The following PRRC2B variants were observed in gnomAD, a reference collection of about 807,000 sequenced individuals.
PRRC2B encodes proline rich coiled-coil 2B.
PRRC2B carries 68 observed loss-of-function variants against 242.3 expected under a neutral mutation model. The ratio of observed to expected loss-of-function variants is 0.28; its 90% CI spans 0.23 to 0.34. PRRC2B has a LOEUF of 0.34. Among genes scored for constraint, PRRC2B ranks in the 10% least tolerant of loss-of-function variants. PRRC2B has a pLI of 1.00. For synonymous variants in PRRC2B, 1,228 were observed against 1,173.6 expected (o/e 1.05, Z -0.95); for missense variants, 2,835 against 2,954.8 (o/e 0.96, Z 0.94).
At position 131,436,740 on chromosome 9, in the gene PRRC2B, A is replaced by T; in HGVS notation, c.396+18A>T. 1.3e-6 allele frequency: 2 copies of T among 1,591,768 alleles called. No homozygotes were observed. The highest frequency in any genetic ancestry group is 2.2e-5 in the South Asian group (2 of 90,316). The stretch of plus-strand genomic sequence containing the variant: ...GTCAGGAGGTAGGTGCTGGGACCCC[A>T]TCCCAACTGTTTCCTGGGCATGGTA... On this transcript the variant is annotated intron_variant, in intron 4 of 31. Transcript: ENST00000683519.
At chr9:131,478,945 C>G in intron 18 of PRRC2B, among the ~76,000 whole-genome samples, 1 of 152,168 alleles carries the variant, frequency 6.6e-6, no homozygotes, top group East Asian at 1.9e-4. Flanking sequence ...CCTTCCTCCC[C>G]ACTCCTCATT....
intron 10 of PRRC2B, among the ~76,000 whole-genome samples, chr9:131,457,234 C>G (rs1207091770): frequency 6.6e-6 from 1 of 152,208 alleles, no homozygotes; most frequent in Admixed American, 6.5e-5. Context: ...TCGGGACATA[C>G]CTATGGGTCA....
chr9:131,484,893 TC>T (rs1407823724), intron 24 of PRRC2B, 54 bp from the exon 25 acceptor site: 2 of 1,581,086 alleles, frequency 1.3e-6, no homozygotes, highest in Non-Finnish European at 1.7e-6. Flanking sequence ...ATTGGCTCTG[TC>T]CACTGCCAGC....
intron 28 of PRRC2B, among the ~76,000 whole-genome samples, chr9:131,488,848 G>A (rs1473835367): frequency 2.0e-5 from 3 of 152,100 alleles, no homozygotes; most frequent in South Asian, 2.1e-4. Flanking sequence ...CTTCCTCTCC[G>A]TCAACCTGTG....
intron 1 of PRRC2B, among the ~76,000 whole-genome samples, chr9:131,385,151 G>GCGCCCGCCACCACGC (rs1554756386): frequency 4.7e-4 from 71 of 149,968 alleles, no homozygotes; most frequent in East Asian, 1.0e-3. Flanking sequence ...GGGATTACAG[G>GCGCCCGCCACCACGC]CATGAGCTAC....
chr9:131,393,408 CCAAG>C (rs1266376034), upstream of PRRC2B, among the ~76,000 whole-genome samples: 2 of 152,118 alleles, frequency 1.3e-5, no homozygotes, highest in African/African-American at 2.4e-5. Context: ...ACGGAGGTAA[CCAAG>C]ACAGGAGTGC....
chr9:131,397,062 C>T (rs1172105140), intron 1 of PRRC2B, among the ~76,000 whole-genome samples: 3 of 152,224 alleles, frequency 2.0e-5, no homozygotes, highest in South Asian at 2.1e-4. Context: ...GATATTTTAG[C>T]AGGGTCCTGT....
chr9:131,484,743 A>T lies in PRRC2B; in HGVS notation c.5518A>T (p.Ile1840Phe), dbSNP rs555982775. 1 of 1,613,096 alleles carries T rather than the reference A, an allele frequency of 6.2e-7. No homozygotes were observed. Among genetic ancestry groups the T allele is most frequent in the African/African-American group, 1.3e-5 (1 of 74,990 alleles). ...GCGGGACCATCACATCCAGAGGGCCATCGGTCTCTCCCCAATGTCCTTCCC... is the reference window on the plus strand; with the variant it reads ...GCGGGACCATCACATCCAGAGGGCCTTCGGTCTCTCCCCAATGTCCTTCCC... ...LRRDHHIQRA[I>F]GLSPMSFPTA... The change falls in exon 24 of 32, where the codon ATC (isoleucine) becomes TTC (phenylalanine). Residue 1840 changes from isoleucine to phenylalanine, a missense_variant. Transcript: ENST00000683519.
At chr9:131,492,140 G>T in intron 29 of PRRC2B, 29 bp from the exon 30 acceptor site, 1 of 1,582,612 alleles carries the variant, frequency 6.3e-7, no homozygotes, top group South Asian at 1.1e-5. Flanking sequence ...GGCCTCAAAT[G>T]ACAGCTTGTT....
Position 131,446,710 on chromosome 9 carries a change from G to A in PRRC2B, c.855+68G>A. The A allele has an allele frequency of 6.4e-7, 1 of 1,567,124 alleles. No individual in the cohort carries two copies. Among genetic ancestry groups the A allele is most frequent in the Non-Finnish European group, 8.7e-7 (1 of 1,147,756 alleles). The stretch of plus-strand genomic sequence containing the variant: ...ATTGTGTCCAGCAGATAGGTCAAGT[G>A]GTTGAATGTCCCCCTTGGGGTCTCC... On this transcript the variant is annotated intron_variant, in intron 7 of 31. Transcript: ENST00000683519. This position sits in a 1 kb window ranked among gnomAD's most constrained non-coding sequence, Gnocchi z 4.1.
chr9:131,465,958 C>T, intron 12 of PRRC2B, among the ~76,000 whole-genome samples: 1 of 152,236 alleles, frequency 6.6e-6, no homozygotes, highest in East Asian at 1.9e-4. Flanking sequence ...CTCCTGGCCT[C>T]AAGTGATCCA....
chr9:131,471,085 G>C, intron 14 of PRRC2B, 102 bp downstream of exon 14: 1 of 799,600 alleles, frequency 1.3e-6, no homozygotes, highest in Non-Finnish European at 2.0e-6. Flanking sequence ...ATTTTGGTCT[G>C]GCTCTTTGTC....
In PRRC2B at chr9:131,492,244, T is replaced by G. The variant is rs990844602; in HGVS notation, c.6457T>G (p.Ser2153Ala). Residue 2153 changes from serine to alanine, a missense_variant, in exon 30 of 32, where the codon TCG (serine) becomes GCG (alanine). Ser to Ala is a moderately conservative substitution (Grantham distance 99, BLOSUM62 1). This residue lies in a region of PRRC2B where 574 missense variants were observed against 626.0 expected (regional missense o/e 0.92). Transcript: ENST00000683519. ...QNVPSGGPVP[S>A]PQTYRPSSAS... is the part of the protein sequence containing the mutation. ...TGTCCCTTCAGGAGGCCCCGTGCCA[T>G]CGCCACAGACCTACAGGTAAAGCCA... 2 of 1,613,656 alleles carry G rather than the reference T, an allele frequency of 1.2e-6. No homozygotes were observed. Among genetic ancestry groups the G allele is most frequent in the African/African-American group, 2.7e-5 (2 of 74,914 alleles).
intron 28 of PRRC2B, among the ~76,000 whole-genome samples, chr9:131,488,373 C>T (rs1482749895): frequency 6.6e-6 from 1 of 151,876 alleles, no homozygotes. Context: ...AGGCGATGCT[C>T]CTGCCTCAGC....
intron 12 of PRRC2B, 101 bp downstream of exon 12, chr9:131,465,179 CT>C: frequency 8.7e-7 from 1 of 1,153,220 alleles, no homozygotes; most frequent in Non-Finnish European, 1.2e-6. Context: ...GAACGTATGG[CT>C]TACAACGAGA....
intron 1 of PRRC2B, among the ~76,000 whole-genome samples, chr9:131,379,004 G>T (rs972648329): frequency 6.6e-6 from 1 of 152,114 alleles, no homozygotes; most frequent in African/African-American, 2.4e-5. Context: ...CAGGTGTAAG[G>T]CACCGTGCCT....
At chr9:131,479,142 TG>T in intron 18 of PRRC2B, 109 bp from the exon 19 acceptor site, 2 of 1,125,030 alleles carry the variant, frequency 1.8e-6, no homozygotes, top group Non-Finnish European at 1.3e-6. Flanking sequence ...CACACATCTC[TG>T]GAGCATTTTC....
In PRRC2B at chr9:131,484,981, C is replaced by T. The variant is rs1943977653; in HGVS notation, c.5599C>T (p.Pro1867Ser). ...ESARKAWENSPSLPEQSSPGG... is the reference protein window; with the variant it reads ...ESARKAWENSSSLPEQSSPGG... Reference sequence around the variant, plus strand: ...TGCGCGCAAGGCTTGGGAAAACTCCCCCAGTTTGCCGGAGCAGAGCTCTCC... The same window carrying T: ...TGCGCGCAAGGCTTGGGAAAACTCCTCCAGTTTGCCGGAGCAGAGCTCTCC... Residue 1867 changes from proline to serine, a missense_variant, in exon 25 of 32, where the codon CCC (proline) becomes TCC (serine). Physicochemically the swap from Pro to Ser is moderately conservative, Grantham distance 74. Transcript: ENST00000683519. The T allele has an allele frequency of 2.5e-6, 4 of 1,613,262 alleles. No homozygotes were observed. Among genetic ancestry groups the T allele is most frequent in the Non-Finnish European group, 3.4e-6 (4 of 1,179,548 alleles).
intron 1 of PRRC2B, among the ~76,000 whole-genome samples, chr9:131,376,901 A>C (rs1836692758): frequency 6.6e-6 from 1 of 151,954 alleles, no homozygotes. Context: ...CAGGTACTCG[A>C]GACACTGAGG....
Sources: allele counts gnomAD v4.1 joint callset (sites outside exome capture counted in the v4.1 genomes callset), GRCh38; gene constraint gnomAD v4.1.1; regional missense constraint gnomAD v4.1.1; non-coding constraint Gnocchi (gnomAD v3.1); transcripts MANE v1.5; gene names NCBI Gene and HGNC (gene_info 2026-07-23, HGNC 2026-07-21).